The following ADORA2B variants were observed in gnomAD, a reference collection of about 807,000 sequenced individuals.
ADORA2B encodes adenosine A2b receptor.
Under a neutral mutation model 20.8 loss-of-function variants are expected in ADORA2B, and 18 were observed. That is an observed-to-expected ratio of 0.87 (90% CI 0.60 to 1.29). The LOEUF (loss-of-function observed/expected upper bound fraction) is 1.29, where lower values mean the gene tolerates loss of function less well. Among genes scored for constraint, ADORA2B ranks in the 50% most tolerant of loss-of-function variants. The pLI is 0.00. For missense variants in ADORA2B, 441 were observed against 422.7 expected (o/e 1.04, Z -0.38); for synonymous variants, 179 against 178.3 (o/e 1.00, Z -0.03).
the ADORA2B span, among the ~76,000 whole-genome samples, chr17:15,905,563 G>C: frequency 1.3e-3 from 203 of 151,034 alleles, no homozygotes; most frequent in Non-Finnish European, 2.4e-3. Flanking sequence ...TGTATTTTTA[G>C]TAGAGACGGG....
chr17:15,940,705 A>G (rs769891690), upstream of ADORA2B, among the ~76,000 whole-genome samples: 42 of 152,232 alleles, frequency 2.8e-4, no homozygotes, highest in Non-Finnish European at 5.4e-4. Context: ...TGGGAAAGGT[A>G]TGCCCCTTCC....
the ADORA2B span, among the ~76,000 whole-genome samples, chr17:15,878,803 T>G: frequency 9.8e-5 from 15 of 152,324 alleles, no homozygotes; most frequent in African/African-American, 3.6e-4. Flanking sequence ...TAGATAAGAA[T>G]TATAGCAAAT....
the ADORA2B span, among the ~76,000 whole-genome samples, chr17:15,883,963 G>T: frequency 6.6e-6 from 1 of 152,188 alleles, no homozygotes; most frequent in African/African-American, 2.4e-5. Flanking sequence ...AAGTGCATTT[G>T]GTCTTGACCA....
At chr17:15,888,350 T>C in the ADORA2B span, among the ~76,000 whole-genome samples, 2 of 129,174 alleles carry the variant, frequency 1.5e-5, no homozygotes, top group South Asian at 4.6e-4. Context: ...GCCATCTCTC[T>C]CCATGCAGCC....
At chr17:15,949,021 A>T (rs112716647) in intron 1 of ADORA2B, among the ~76,000 whole-genome samples, 19 of 152,020 alleles carry the variant, frequency 1.2e-4, no homozygotes, top group African/African-American at 4.6e-4. Context: ...CAGCTTGGCC[A>T]ACATGGTGAA....
the ADORA2B span, among the ~76,000 whole-genome samples, chr17:15,902,202 A>G: frequency 6.8e-6 from 1 of 146,014 alleles, no homozygotes; most frequent in African/African-American, 2.5e-5. Context: ...ATTAGCATGT[A>G]CCAGGATTCC....
chr17:15,951,617 C>T (rs914397743), intron 1 of ADORA2B, among the ~76,000 whole-genome samples: 1 of 152,220 alleles, frequency 6.6e-6, no homozygotes, highest in Non-Finnish European at 1.5e-5. Context: ...CATGGCTAGG[C>T]AGGGGCCAAG....
the ADORA2B span, among the ~76,000 whole-genome samples, chr17:15,901,497 T>C: frequency 3.3e-5 from 5 of 152,008 alleles, no homozygotes; most frequent in Admixed American, 6.6e-5. Flanking sequence ...TAATTTGAGC[T>C]GATTACATGA....
the ADORA2B span, among the ~76,000 whole-genome samples, chr17:15,871,126 C>T: frequency 6.6e-6 from 1 of 152,176 alleles, no homozygotes; most frequent in Non-Finnish European, 1.5e-5. Context: ...CTTTGGGGCA[C>T]CCGCTCCCAC....
chr17:15,900,925 AG>A, the ADORA2B span, among the ~76,000 whole-genome samples: 1 of 152,328 alleles, frequency 6.6e-6, no homozygotes, highest in Middle Eastern at 3.4e-3. Context: ...GAATTTGGTG[AG>A]GGAGAATATG....
chr17:15,867,750 G>A, the ADORA2B span, among the ~76,000 whole-genome samples: 1 of 150,600 alleles, frequency 6.6e-6, no homozygotes. Flanking sequence ...CTACTGGGAA[G>A]TGAGGAGCCC....
the ADORA2B span, among the ~76,000 whole-genome samples, chr17:15,923,197 C>CT: frequency 1.1e-5 from 1 of 90,332 alleles, no homozygotes; most frequent in African/African-American, 5.4e-5. Context: ...TAATTTCTTT[C>CT]TTTTTTTAAT....
intron 1 of ADORA2B, among the ~76,000 whole-genome samples, chr17:15,949,127 G>A (rs1343751067): frequency 6.6e-6 from 1 of 151,566 alleles, no homozygotes; most frequent in Non-Finnish European, 1.5e-5. Flanking sequence ...AGAATCGCTT[G>A]AACCCGGGAG....
chr17:15,860,590 C>G, the ADORA2B span, among the ~76,000 whole-genome samples: 1 of 152,066 alleles, frequency 6.6e-6, no homozygotes, highest in Non-Finnish European at 1.5e-5. Context: ...ATGACATCGT[C>G]TTGAAATTCA....
chr17:15,857,058 C>T, the ADORA2B span, among the ~76,000 whole-genome samples: 6 of 152,302 alleles, frequency 3.9e-5, no homozygotes, highest in Admixed American at 2.6e-4. Context: ...GGCCCAGGGC[C>T]GCCCTGCTCT....
chr17:15,975,110 T>C lies in ADORA2B; in HGVS notation c.767T>C (p.Val256Ala), dbSNP rs1380925288. ...CWLPVHAVNC[V>A]TLFQPAQGKN... is the part of the protein sequence containing the mutation. ...TTACCTGTGCATGCTGTTAACTGTG[T>C]CACTCTTTTCCAGCCAGCTCAGGGT... Residue 256 changes from valine to alanine, a missense_variant, in exon 2 of 2, where the codon GTC (valine) becomes GCC (alanine). Coordinates refer to ENST00000304222, the MANE Select transcript of ADORA2B (RefSeq NM_000676.4). The C allele has an allele frequency of 2.5e-6, 4 of 1,614,178 alleles. No homozygotes were observed. In the Admixed American group the frequency reaches 6.7e-5, roughly 27 times the overall value.
the ADORA2B span, among the ~76,000 whole-genome samples, chr17:15,903,551 AT>A: frequency 1.3e-5 from 2 of 152,068 alleles, no homozygotes; most frequent in African/African-American, 4.8e-5. Context: ...ATGCTTCAAA[AT>A]TGCCTCCAGC....
chr17:15,957,611 G>A (rs1168312319), intron 1 of ADORA2B, among the ~76,000 whole-genome samples: 4 of 152,142 alleles, frequency 2.6e-5, no homozygotes, highest in Non-Finnish European at 5.9e-5. Flanking sequence ...CCTAGGTTGT[G>A]TTTAAGGTGC....
the ADORA2B span, among the ~76,000 whole-genome samples, chr17:15,902,503 CTT>C: frequency 6.6e-6 from 1 of 152,316 alleles, no homozygotes; most frequent in African/African-American, 2.4e-5. Flanking sequence ...GGGTCGCTTC[CTT>C]TTTAAGGCTG....
Sources: gnomAD v4.1 joint callset for allele counts (sites outside exome capture counted in the v4.1 genomes callset) on GRCh38, gnomAD v4.1.1 for gene constraint, MANE v1.5 for transcripts, NCBI Gene and HGNC (gene_info 2026-07-23, HGNC 2026-07-21) for gene names.